SV2C: variants seen among roughly 807,000 people sequenced by gnomAD.
SV2C encodes the protein solute carrier family 22 member B3.
Under a neutral mutation model 79.7 loss-of-function variants are expected in SV2C, and 49 were observed. That is an observed-to-expected ratio of 0.61 (90% CI 0.49 to 0.78). The LOEUF (loss-of-function observed/expected upper bound fraction) is 0.78, where lower values mean the gene tolerates loss of function less well. Ranked by LOEUF, SV2C falls within the 30% of genes least tolerant of loss-of-function variation. The pLI is 0.00. For missense variants in SV2C, 833 were observed against 912.9 expected (o/e 0.91, Z 1.13); for synonymous variants, 334 against 333.2 (o/e 1.00, Z -0.03).
chr5:76,156,016 T>C (rs577510365), intron 2 of SV2C, among the ~76,000 whole-genome samples: 6 of 149,498 alleles, frequency 4.0e-5, no homozygotes, highest in Non-Finnish European at 8.9e-5. Flanking sequence ...GGTAGATTCA[T>C]TGGAGATATA....
chr5:76,155,113 C>G (rs1742680448), intron 2 of SV2C, among the ~76,000 whole-genome samples: 1 of 152,118 alleles, frequency 6.6e-6, no homozygotes, highest in African/African-American at 2.4e-5. Flanking sequence ...CATAGAGTGG[C>G]TATTTGTGGA....
chr5:76,005,803 C>T, the SV2C span, among the ~76,000 whole-genome samples: 2 of 152,142 alleles, frequency 1.3e-5, no homozygotes, highest in Admixed American at 6.5e-5. Context: ...ATCATTTCAG[C>T]CCCTGGATCC....
the SV2C span, among the ~76,000 whole-genome samples, chr5:75,913,073 C>T: frequency 6.6e-6 from 1 of 152,146 alleles, no homozygotes; most frequent in African/African-American, 2.4e-5. Flanking sequence ...ATGAGGTAAA[C>T]CATGCCACAG....
the SV2C span, among the ~76,000 whole-genome samples, chr5:75,995,879 T>C: frequency 2.0e-5 from 3 of 152,058 alleles, no homozygotes; most frequent in African/African-American, 4.8e-5. Flanking sequence ...GGAGAATATA[T>C]AAAATCATCT....
chr5:76,150,471 C>A (rs1426362016), intron 2 of SV2C, among the ~76,000 whole-genome samples: 3 of 151,916 alleles, frequency 2.0e-5, no homozygotes, highest in African/African-American at 7.3e-5. Flanking sequence ...CCACGGCACC[C>A]AGCCTCTGTT....
At chr5:76,024,336 T>G in the SV2C span, among the ~76,000 whole-genome samples, 1 of 152,328 alleles carries the variant, frequency 6.6e-6, no homozygotes, top group East Asian at 1.9e-4. Flanking sequence ...ATATATTTGC[T>G]GGGCTGGTTA....
At chr5:76,026,037 C>G in the SV2C span, among the ~76,000 whole-genome samples, 1 of 152,104 alleles carries the variant, frequency 6.6e-6, no homozygotes, top group African/African-American at 2.4e-5. Context: ...CTTTATAAGG[C>G]ATCCTATCCA....
At chr5:75,950,568 G>T in the SV2C span, among the ~76,000 whole-genome samples, 2 of 151,938 alleles carry the variant, frequency 1.3e-5, no homozygotes, top group Non-Finnish European at 2.9e-5. Flanking sequence ...GTCAAAATAT[G>T]CTTGGAAATA....
At chr5:75,963,073 A>C in the SV2C span, among the ~76,000 whole-genome samples, 3 of 152,150 alleles carry the variant, frequency 2.0e-5, no homozygotes, top group African/African-American at 7.2e-5. Flanking sequence ...ACTTGAGGAA[A>C]GGCATGGACA....
At chr5:76,343,588 C>T (rs1438697563) in intron 12 of SV2C, among the ~76,000 whole-genome samples, 1 of 152,164 alleles carries the variant, frequency 6.6e-6, no homozygotes, top group East Asian at 1.9e-4. Flanking sequence ...GGAGCACTCA[C>T]CAAGGAACTC....
intron 4 of SV2C, among the ~76,000 whole-genome samples, chr5:76,254,291 A>G (rs1561285107): frequency 1.3e-5 from 2 of 151,770 alleles, no homozygotes; most frequent in East Asian, 3.9e-4. Context: ...AAATTTAAAA[A>G]TAAATGTAAT....
chr5:75,882,355 C>T, the SV2C span, among the ~76,000 whole-genome samples: 1 of 147,482 alleles, frequency 6.8e-6, no homozygotes, highest in Non-Finnish European at 1.5e-5. Context: ...AATGCCATCC[C>T]CATCAAGCTC....
chr5:75,932,933 A>T, the SV2C span, among the ~76,000 whole-genome samples: 1 of 152,212 alleles, frequency 6.6e-6, no homozygotes, highest in African/African-American at 2.4e-5. Context: ...TGACAATGGC[A>T]TCATAATACG....
chr5:76,271,529 A>G (rs910589373), intron 4 of SV2C, among the ~76,000 whole-genome samples: 1 of 152,096 alleles, frequency 6.6e-6, no homozygotes, highest in Non-Finnish European at 1.5e-5. Context: ...CTTTTGGAGC[A>G]TACGTGGAGC....
chr5:76,294,025 G>T (rs374419816), intron 8 of SV2C, among the ~76,000 whole-genome samples: 1 of 152,150 alleles, frequency 6.6e-6, no homozygotes, highest in Non-Finnish European at 1.5e-5. Flanking sequence ...AAACTTGAAC[G>T]TGCATCAGAA....
chr5:75,888,331 T>TTAAA, the SV2C span, among the ~76,000 whole-genome samples: 1,141 of 148,432 alleles, frequency 7.7e-3, 17 homozygotes, highest in African/African-American at 0.026. Context: ...CCTTGCTTTT[T>TTAAA]AAAAAAAAAA....
At chr5:75,954,656 G>C in the SV2C span, among the ~76,000 whole-genome samples, 3 of 150,022 alleles carry the variant, frequency 2.0e-5, no homozygotes, top group Admixed American at 1.3e-4. Context: ...CATTGTCTCA[G>C]CCCAAAATCT....
At chr5:76,198,889 G>C (rs1744348985) in intron 3 of SV2C, among the ~76,000 whole-genome samples, 1 of 152,134 alleles carries the variant, frequency 6.6e-6, no homozygotes, top group Non-Finnish European at 1.5e-5. Flanking sequence ...ATATAGCTGA[G>C]CCCTCACCTC....
rs976063794 is a variant in SV2C, at chr5:76,174,321, G to A, written c.581-20598G>A. On this transcript the variant is annotated intron_variant, in intron 2 of 12. Transcript: ENST00000502798. ...GGTCCTGCCGCTGCCGCGCCGCTCCGGCTGGTTTACACGCCTGAATCTGGG... is the reference window on the plus strand; with the variant it reads ...GGTCCTGCCGCTGCCGCGCCGCTCCAGCTGGTTTACACGCCTGAATCTGGG... 118 of 796,388 alleles carry A rather than the reference G, an allele frequency of 1.5e-4. 1 individual carries two copies. The highest frequency in any genetic ancestry group is 3.5e-4 in the African/African-American group (20 of 57,654). 49.3% of individuals were successfully genotyped at this position (796,388 alleles called of 1,614,324 possible). A position where few individuals can be genotyped will look rare whatever the true frequency, so the allele number is the denominator to read the frequency against.
Sources: allele counts gnomAD v4.1 joint callset (sites outside exome capture counted in the v4.1 genomes callset), GRCh38; gene constraint gnomAD v4.1.1; transcripts MANE v1.5; gene names NCBI Gene and HGNC (gene_info 2026-07-23, HGNC 2026-07-21).